Variants in CSRNP3 observed in about 807,000 individuals in gnomAD.
CSRNP3 encodes cysteine/serine-rich nuclear protein 3.
In CSRNP3, 12 loss-of-function variants were observed where a neutral mutation model predicts 48.0. The observed-to-expected ratio is 0.25, with a 90% CI of 0.16 to 0.41. CSRNP3 has a LOEUF of 0.41. CSRNP3 is among the 10% of genes least tolerant of loss of function. CSRNP3 has a pLI of 1.00. For synonymous variants in CSRNP3, 263 were observed against 269.7 expected, an observed-to-expected ratio of 0.98 and a Z score of 0.24; for missense variants, 580 against 724.4, an observed-to-expected ratio of 0.80 and a Z score of 2.29.
intron 4 of CSRNP3, 93 bp from the exon 5 acceptor site, chr2:165,657,668 C>A: frequency 6.7e-7 from 1 of 1,488,288 alleles, no homozygotes; most frequent in Non-Finnish European, 9.2e-7. Flanking sequence ...GGGTTGGCCA[C>A]AGATAGATTC....
chr2:165,688,059 G>C lies in CSRNP3; in HGVS notation c.*8306G>C, dbSNP rs1052683736. On this transcript the variant is annotated 3_prime_UTR_variant, in exon 7 of 7. Coordinates refer to ENST00000651982, the MANE Select transcript of CSRNP3 (RefSeq NM_001172173.2). ...TTTTTTATTTAAAAAAAAAAAAAAG[G>C]CTAATGCTATAGAATGATCATGTAA... 71 of 149,280 alleles carry C rather than the reference G, an allele frequency of 4.8e-4. No individual in the cohort carries two copies. The highest frequency in any genetic ancestry group is 1.7e-3 in the African/African-American group (67 of 40,352). 9.2% of individuals were successfully genotyped at this position (149,280 alleles called of 1,614,324 possible).
intron 3 of CSRNP3, among the ~76,000 whole-genome samples, chr2:165,530,934 G>A (rs893967994): frequency 1.3e-5 from 2 of 151,652 alleles, no homozygotes; most frequent in African/African-American, 4.8e-5. Flanking sequence ...TAAGGTATGG[G>A]ACTGTAATTT....
intron 2 of CSRNP3, among the ~76,000 whole-genome samples, chr2:165,501,590 G>A (rs1002380773): frequency 3.9e-5 from 6 of 152,092 alleles, no homozygotes; most frequent in Non-Finnish European, 8.8e-5. Context: ...TTATGATTTG[G>A]CAGGCATTGT....
chr2:165,649,456 A>T (rs10165242), intron 4 of CSRNP3, among the ~76,000 whole-genome samples: 51,040 of 152,102 alleles, frequency 0.34, 8,818 homozygotes, highest in African/African-American at 0.39. Flanking sequence ...TACCAAAGGA[A>T]TGATATCAGA....
intron 3 of CSRNP3, among the ~76,000 whole-genome samples, chr2:165,592,967 A>G (rs946492791): frequency 5.2e-4 from 79 of 150,746 alleles, no homozygotes; most frequent in African/African-American, 1.9e-3. Context: ...ACGCCCGGCT[A>G]ATTTTTTGTA....
At chr2:165,602,141 G>T (rs892589568) in intron 4 of CSRNP3, among the ~76,000 whole-genome samples, 1 of 152,076 alleles carries the variant, frequency 6.6e-6, no homozygotes, top group Non-Finnish European at 1.5e-5. Flanking sequence ...GAGTGTTCAG[G>T]CCAAGCTGAA....
chr2:165,525,339 A>G (rs1318941850), intron 3 of CSRNP3, among the ~76,000 whole-genome samples: 1 of 152,140 alleles, frequency 6.6e-6, no homozygotes, highest in Non-Finnish European at 1.5e-5. Flanking sequence ...GGTGATTTGC[A>G]AACATTTTCT....
intron 4 of CSRNP3, among the ~76,000 whole-genome samples, chr2:165,643,493 A>C (rs970590228): frequency 1.2e-4 from 18 of 152,186 alleles, no homozygotes; most frequent in Admixed American, 7.9e-4. Context: ...TTGGGGATCA[A>C]GGAGTACCAA....
rs368500150 is a variant in CSRNP3, at chr2:165,617,750, T to C, written c.148+22537T>C. Among the ~76,000 whole-genome samples, 6 of 152,318 alleles carry C rather than the reference T, an allele frequency of 3.9e-5. No homozygotes were observed. In the South Asian group the frequency reaches 6.2e-4, roughly 16 times the overall value. ...CAATGGTAGTCCCAGGCATGTGGCC[T>C]TCAGGCTCTGTTAGCCCATTCTTCA... On this transcript the variant is annotated intron_variant, in intron 4 of 6. Coordinates refer to ENST00000651982, the MANE Select transcript of CSRNP3 (RefSeq NM_001172173.2).
At chr2:165,654,379 C>T (rs1686968090) in intron 4 of CSRNP3, among the ~76,000 whole-genome samples, 1 of 152,106 alleles carries the variant, frequency 6.6e-6, no homozygotes. Flanking sequence ...AGGTGTGTTA[C>T]AATGAATATA....
At chr2:165,561,357 T>C (rs985315040) in intron 3 of CSRNP3, among the ~76,000 whole-genome samples, 2 of 152,120 alleles carry the variant, frequency 1.3e-5, no homozygotes, top group Admixed American at 6.5e-5. Context: ...TATATTCAAG[T>C]TAGGACACAC....
intron 2 of CSRNP3, among the ~76,000 whole-genome samples, chr2:165,512,547 C>T (rs969801982): frequency 2.6e-5 from 4 of 152,160 alleles, no homozygotes; most frequent in African/African-American, 9.7e-5. Flanking sequence ...CTCTTGTGCA[C>T]TTTACTGAAA....
At position 165,494,924 on chromosome 2, in the gene CSRNP3, T is replaced by A. The variant is rs1002437066; in HGVS notation, c.-117T>A. The A allele has an allele frequency of 6.5e-6, 1 of 154,072 alleles. No homozygotes were observed. The allele number at this position is 154,072 out of a possible 1,614,324, so 9.5% of individuals were successfully genotyped here. A position where few individuals can be genotyped will look rare whatever the true frequency, so the allele number is the denominator to read the frequency against. ...GTCAATCGTTCAGTTTTAATGATTT[T>A]ACCAGTGAGTATCTAAAACTCTGTT... is the stretch of plus-strand genomic sequence containing the variant. On this transcript the variant is annotated 5_prime_UTR_variant, in exon 2 of 7. An upstream open reading frame in the 5' UTR gains an earlier in-frame stop. Transcript: ENST00000651982.
At chr2:165,567,416 T>G (rs910519674) in intron 3 of CSRNP3, among the ~76,000 whole-genome samples, 1 of 152,136 alleles carries the variant, frequency 6.6e-6, no homozygotes, top group African/African-American at 2.4e-5. Flanking sequence ...GTATAAAGAC[T>G]TCTTTACAGC....
chr2:165,581,617 A>T (rs534720373), intron 3 of CSRNP3, among the ~76,000 whole-genome samples: 70 of 146,052 alleles, frequency 4.8e-4, no homozygotes, highest in African/African-American at 1.7e-3. Context: ...GCTCACTGCA[A>T]TCTCTGCCTC....
At chr2:165,596,721 G>A (rs1685817061) in intron 4 of CSRNP3, among the ~76,000 whole-genome samples, 1 of 137,266 alleles carries the variant, frequency 7.3e-6, no homozygotes, top group Non-Finnish European at 1.6e-5. Flanking sequence ...TTTATGTTTT[G>A]GGTCTTAATA....
Position 165,681,388 on chromosome 2 carries a change from A to G in CSRNP3, c.*1635A>G, listed in dbSNP as rs1687535513. On this transcript the variant is annotated 3_prime_UTR_variant, in exon 7 of 7. Transcript: ENST00000651982. ...TAGACTTGGGTGTTTAGAATTATGG[A>G]TATAAATATATTGTAGATCTCAATT... is the stretch of plus-strand genomic sequence containing the variant. 1 of 151,984 alleles carries G rather than the reference A, an allele frequency of 6.6e-6. No individual in the cohort carries two copies. The highest frequency in any genetic ancestry group is 1.5e-5 in the Non-Finnish European group (1 of 67,988). The allele number at this position is 151,984 out of a possible 1,614,324, so 9.4% of individuals were successfully genotyped here.
At chr2:165,534,444 C>T (rs1437786563) in intron 3 of CSRNP3, among the ~76,000 whole-genome samples, 2 of 151,852 alleles carry the variant, frequency 1.3e-5, no homozygotes, top group Non-Finnish European at 2.9e-5. Flanking sequence ...CTTTACAATA[C>T]TTTTGGAATA....
At chr2:165,592,434 A>C (rs927708077) in intron 3 of CSRNP3, among the ~76,000 whole-genome samples, 2 of 152,162 alleles carry the variant, frequency 1.3e-5, no homozygotes, top group Non-Finnish European at 2.9e-5. Context: ...GCCGTTGGAA[A>C]GCCATGATTG....
Sources: allele counts gnomAD v4.1 joint callset (sites outside exome capture counted in the v4.1 genomes callset), GRCh38; gene constraint gnomAD v4.1.1; transcripts MANE v1.5; gene names NCBI Gene and HGNC (gene_info 2026-07-23, HGNC 2026-07-21).